Variants in SLC25A26 observed in about 807,000 individuals in gnomAD.
The protein encoded by SLC25A26 is solute carrier family 25 member 26.
A neutral mutation model predicts 37.8 loss-of-function variants in SLC25A26; 36 were observed. That is an observed-to-expected ratio of 0.95 (90% confidence interval 0.73 to 1.26). The LOEUF (loss-of-function observed/expected upper bound fraction) is 1.26, where lower values mean the gene tolerates loss of function less well. Ranked by LOEUF, SLC25A26 falls within the 50% of genes most tolerant of loss-of-function variation. SLC25A26 has a pLI of 0.00. For synonymous variants in SLC25A26, 129 were observed against 122.5 expected (o/e 1.05, Z -0.35); for missense variants, 390 against 331.1 (o/e 1.18, Z -1.38).
At chr3:66,235,070 G>C (rs2072210720) in intron 1 of SLC25A26, among the ~76,000 whole-genome samples, 1 of 152,014 alleles carries the variant, frequency 6.6e-6, no homozygotes, top group African/African-American at 2.4e-5. Flanking sequence ...TTATGTTTTT[G>C]TCTTTTTCAC....
chr3:66,276,753 T>C (rs771925600), intron 5 of SLC25A26, among the ~76,000 whole-genome samples: 5 of 151,998 alleles, frequency 3.3e-5, no homozygotes, highest in African/African-American at 7.2e-5. Flanking sequence ...TAGCAGATAA[T>C]TTATTGACTA....
intron 1 of SLC25A26, among the ~76,000 whole-genome samples, chr3:66,190,098 G>A (rs1366365547): frequency 2.6e-5 from 4 of 152,166 alleles, no homozygotes; most frequent in African/African-American, 4.8e-5. Flanking sequence ...GATTGCTTGA[G>A]TCCAGAAGTT....
chr3:66,179,871 T>C (rs766992655), intron 1 of SLC25A26, among the ~76,000 whole-genome samples: 85 of 152,218 alleles, frequency 5.6e-4, no homozygotes, highest in Admixed American at 2.4e-3. Flanking sequence ...TTTTGATAAA[T>C]ATTCATAAAA....
intron 2 of SLC25A26, among the ~76,000 whole-genome samples, chr3:66,241,903 A>C (rs1364108081): frequency 1.3e-5 from 2 of 150,134 alleles, no homozygotes; most frequent in Non-Finnish European, 3.0e-5. Context: ...GAATGTAGAG[A>C]AAGCATAGCT....
chr3:66,206,005 A>G (rs1308680373), intron 1 of SLC25A26, among the ~76,000 whole-genome samples: 3 of 152,204 alleles, frequency 2.0e-5, no homozygotes, highest in Non-Finnish European at 4.4e-5. Flanking sequence ...ACTATGTCTC[A>G]ATCTTCCTGG....
chr3:66,212,248 A>G (rs1301784974), intron 1 of SLC25A26, among the ~76,000 whole-genome samples: 1 of 151,836 alleles, frequency 6.6e-6, no homozygotes, highest in African/African-American at 2.4e-5. Flanking sequence ...AGGAGCTGGG[A>G]CTACAGGTGC....
chr3:66,255,381 C>T (rs2073258194), intron 3 of SLC25A26, among the ~76,000 whole-genome samples: 1 of 151,986 alleles, frequency 6.6e-6, no homozygotes, highest in South Asian at 2.1e-4. Flanking sequence ...GAAGAAAAAT[C>T]TTGGTAGCAG....
chr3:66,239,236 C>A (rs1474658093), intron 2 of SLC25A26, among the ~76,000 whole-genome samples: 3 of 150,220 alleles, frequency 2.0e-5, no homozygotes, highest in Admixed American at 2.0e-4. Context: ...AATTTAAGAT[C>A]TATGTTTTGA....
chr3:66,306,637 C>T (rs550555318), intron 5 of SLC25A26, among the ~76,000 whole-genome samples: 29 of 152,154 alleles, frequency 1.9e-4, no homozygotes, highest in African/African-American at 6.8e-4. Flanking sequence ...AGGTATTTCT[C>T]CTAATGCTAT....
chr3:66,269,983 A>G (rs898368104), intron 5 of SLC25A26, among the ~76,000 whole-genome samples: 2 of 152,082 alleles, frequency 1.3e-5, no homozygotes, highest in Non-Finnish European at 2.9e-5. Flanking sequence ...CTCAGTGAAT[A>G]CTTGTCGTTT....
At chr3:66,363,614 G>T (rs917731281) in intron 7 of SLC25A26, among the ~76,000 whole-genome samples, 4 of 152,194 alleles carry the variant, frequency 2.6e-5, no homozygotes, top group African/African-American at 9.6e-5. Context: ...AGTATATTTT[G>T]TTGTTACAAC....
At chr3:66,350,466 A>G (rs2076424214) in intron 6 of SLC25A26, among the ~76,000 whole-genome samples, 1 of 152,094 alleles carries the variant, frequency 6.6e-6, no homozygotes, top group Non-Finnish European at 1.5e-5. Flanking sequence ...TTGTGGCCAC[A>G]TTTCACCTGA....
At chr3:66,368,944 C>G (rs933244233) in intron 7 of SLC25A26, among the ~76,000 whole-genome samples, 20 of 149,310 alleles carry the variant, frequency 1.3e-4, no homozygotes, top group Non-Finnish European at 8.9e-5. Context: ...TCACTTGAGC[C>G]TAGGAGGGTG....
chr3:66,143,986 C>T (rs1425054587), intron 1 of SLC25A26, among the ~76,000 whole-genome samples: 1 of 152,114 alleles, frequency 6.6e-6, no homozygotes, highest in Non-Finnish European at 1.5e-5. Context: ...ACTTTGTTGG[C>T]CTGTGAAGCT....
chr3:66,242,254 A>G (rs2072619916), intron 2 of SLC25A26, among the ~76,000 whole-genome samples: 1 of 152,212 alleles, frequency 6.6e-6, no homozygotes, highest in African/African-American at 2.4e-5. Flanking sequence ...AATTAGAGGT[A>G]TTATAGCTGC....
intron 3 of SLC25A26, among the ~76,000 whole-genome samples, chr3:66,255,854 C>T (rs1275592233): frequency 6.6e-6 from 1 of 152,182 alleles, no homozygotes; most frequent in Admixed American, 6.5e-5. Flanking sequence ...TAGCATCTCT[C>T]ATGCCACAGT....
intron 5 of SLC25A26, among the ~76,000 whole-genome samples, chr3:66,275,735 C>T (rs1559644796): frequency 6.6e-6 from 1 of 152,066 alleles, no homozygotes; most frequent in Non-Finnish European, 1.5e-5. Flanking sequence ...ATATTTACTG[C>T]TGTCTACATA....
chr3:66,209,961 G>T (rs2071262240), intron 1 of SLC25A26, among the ~76,000 whole-genome samples: 2 of 83,996 alleles, frequency 2.4e-5, no homozygotes, highest in African/African-American at 9.1e-5. Flanking sequence ...GTAGTTTCCT[G>T]GGGGAAAGAG....
At chr3:66,325,147 T>G (rs1458413777) in intron 5 of SLC25A26, among the ~76,000 whole-genome samples, 1 of 152,190 alleles carries the variant, frequency 6.6e-6, no homozygotes, top group Non-Finnish European at 1.5e-5. Flanking sequence ...GTACAAGCAT[T>G]TCCCTCAGAA....
Sources: gnomAD v4.1 joint callset for allele counts (sites outside exome capture counted in the v4.1 genomes callset) on GRCh38, gnomAD v4.1.1 for gene constraint, MANE v1.5 for transcripts, NCBI Gene and HGNC (gene_info 2026-07-23, HGNC 2026-07-21) for gene names.